MKLN1: variants seen among roughly 807,000 people sequenced by gnomAD.
MKLN1 encodes the protein muskelin 1.
MKLN1 carries 18 observed loss-of-function variants against 99.0 expected under a neutral mutation model. The ratio of observed to expected loss-of-function variants is 0.18; its 90% CI spans 0.13 to 0.27. The LOEUF is 0.27. Ranked by LOEUF, MKLN1 falls within the 10% of genes least tolerant of loss-of-function variation. The probability of loss-of-function intolerance (pLI) is 1.00; values close to 1 mark genes in which losing one functional copy is unlikely to be tolerated. For missense variants in MKLN1, 621 were observed against 875.9 expected (o/e 0.71, Z 3.67); for synonymous variants, 288 against 293.2 (o/e 0.98, Z 0.18).
chr7:131,204,804 G>A (rs955733050), intron 3 of MKLN1, among the ~76,000 whole-genome samples: 11 of 152,164 alleles, frequency 7.2e-5, no homozygotes, highest in Admixed American at 3.9e-4. Flanking sequence ...CGTGGTGGCA[G>A]GTGCCTGTAG....
chr7:131,269,772 T>C (rs115908600), intron 3 of MKLN1, among the ~76,000 whole-genome samples: 4,055 of 152,278 alleles, frequency 0.027, 167 homozygotes, highest in African/African-American at 0.089. Context: ...AGCATTCCCA[T>C]TGAGATTTTA....
chr7:131,453,092 C>A (rs1484331208), intron 12 of MKLN1, among the ~76,000 whole-genome samples: 2 of 152,112 alleles, frequency 1.3e-5, no homozygotes, highest in South Asian at 4.1e-4. Flanking sequence ...TAATAACTTT[C>A]CCTGATTTCC....
intron 3 of MKLN1, among the ~76,000 whole-genome samples, chr7:131,267,499 A>T (rs1013126886): frequency 6.6e-6 from 1 of 152,180 alleles, no homozygotes; most frequent in African/African-American, 2.4e-5. Context: ...AAGTGGGCTC[A>T]GGTTTACAAT....
Position 131,185,374 on chromosome 7 carries a change from T to C in MKLN1, c.-296-17483T>C, listed in dbSNP as rs1796433683. On this transcript the variant is annotated intron_variant, in intron 2 of 7. Coordinates refer to the MKLN1 transcript ENST00000416992. The stretch of plus-strand genomic sequence containing the variant: ...GGGCAGATCACCTGAGGTCAGAAGT[T>C]CGAGACCAGCCTGACCAACATGGTG... 2.7e-5 allele frequency among the ~76,000 whole-genome samples: 4 copies of C among 150,644 alleles called. No individual in the cohort carries two copies. In the South Asian group the frequency reaches 6.3e-4, roughly 24 times the overall value.
intron 1 of MKLN1, among the ~76,000 whole-genome samples, chr7:131,124,694 T>C (rs6467351): frequency 0.56 from 85,729 of 151,946 alleles, 25,785 homozygotes; most frequent in East Asian, 0.85. Flanking sequence ...CCTCCTGCCT[T>C]GTATCCCAGT....
At chr7:131,433,952 C>T (rs947588050) in intron 9 of MKLN1, among the ~76,000 whole-genome samples, 1 of 150,214 alleles carries the variant, frequency 6.7e-6, no homozygotes, top group South Asian at 2.1e-4. Context: ...GATGCGATCT[C>T]GGCTCACTGC....
chr7:131,141,193 C>A lies in MKLN1; in HGVS notation c.-418-1627C>A, dbSNP rs568360504. 8.5e-5 allele frequency among the ~76,000 whole-genome samples: 13 copies of A among 152,310 alleles called. No individual in the cohort carries two copies. In the East Asian group the frequency reaches 2.5e-3, roughly 29 times the overall value. On this transcript the variant is annotated intron_variant, in intron 1 of 7. Transcript: ENST00000416992. ...TCATCGCTGTGAAGTCTCTTGTTGTCTGTCATGTATAGATGACTCCTAAAT... is the reference window on the plus strand; with the variant it reads ...TCATCGCTGTGAAGTCTCTTGTTGTATGTCATGTATAGATGACTCCTAAAT...
At chr7:131,376,095 A>AATATATATATATATATATATATAT (rs60323728) in intron 2 of MKLN1, among the ~76,000 whole-genome samples, 3 of 108,064 alleles carry the variant, frequency 2.8e-5, no homozygotes, top group Non-Finnish European at 5.7e-5. Flanking sequence ...AATTCATGGA[A>AATATATATATATATATATATATAT]ATATATATAT....
chr7:131,143,610 G>A (rs1325910802), intron 2 of MKLN1, among the ~76,000 whole-genome samples: 1 of 152,178 alleles, frequency 6.6e-6, no homozygotes, highest in African/African-American at 2.4e-5. Flanking sequence ...AGGATTGCTT[G>A]AGGCTGGAAA....
intron 2 of MKLN1, among the ~76,000 whole-genome samples, chr7:131,187,209 C>T (rs1344118354): frequency 6.6e-6 from 1 of 152,148 alleles, no homozygotes; most frequent in African/African-American, 2.4e-5. Context: ...GACGAAGTGG[C>T]CAGAGGATTT....
chr7:131,195,481 A>G (rs1584825199), intron 2 of MKLN1, among the ~76,000 whole-genome samples: 1 of 151,924 alleles, frequency 6.6e-6, no homozygotes. Context: ...ACTGCACTCC[A>G]GCCTGGGTGA....
intron 1 of MKLN1, among the ~76,000 whole-genome samples, chr7:131,362,026 A>G (rs894527267): frequency 3.3e-5 from 5 of 152,060 alleles, no homozygotes; most frequent in African/African-American, 4.8e-5. Flanking sequence ...TTTGTTAACT[A>G]TGCCTTTAAA....
intron 3 of MKLN1, among the ~76,000 whole-genome samples, chr7:131,224,244 A>C (rs1241944887): frequency 6.6e-6 from 1 of 152,226 alleles, no homozygotes; most frequent in African/African-American, 2.4e-5. Flanking sequence ...TTTCTATACA[A>C]AAATTTAAAA....
At chr7:131,376,225 A>G (rs563524945) in intron 2 of MKLN1, among the ~76,000 whole-genome samples, 4 of 149,094 alleles carry the variant, frequency 2.7e-5, no homozygotes, top group Admixed American at 2.0e-4. Context: ...TGTCTAAAGA[A>G]TATATATTTA....
At chr7:131,287,539 G>A (rs569405924) in intron 3 of MKLN1, among the ~76,000 whole-genome samples, 1 of 152,208 alleles carries the variant, frequency 6.6e-6, no homozygotes, top group South Asian at 2.1e-4. Flanking sequence ...GCCTACCACA[G>A]TGATCTAGGA....
At chr7:131,195,886 G>C (rs553899764) in intron 2 of MKLN1, among the ~76,000 whole-genome samples, 1 of 152,168 alleles carries the variant, frequency 6.6e-6, no homozygotes, top group South Asian at 2.1e-4. Flanking sequence ...AAGAGGCAGA[G>C]GTTGCAGTGA....
intron 1 of MKLN1, among the ~76,000 whole-genome samples, chr7:131,113,039 A>G (rs577237179): frequency 6.6e-6 from 1 of 152,294 alleles, no homozygotes; most frequent in East Asian, 1.9e-4. Flanking sequence ...ACAAAGATGA[A>G]TAAGACACAG....
At position 131,197,884 on chromosome 7, in the gene MKLN1, T is replaced by A. The variant is rs185529514; in HGVS notation, c.-296-4973T>A. Among the ~76,000 whole-genome samples, 518 of 152,224 alleles carry A rather than the reference T, an allele frequency of 3.4e-3. 3 individuals are homozygous for A. The highest frequency in any genetic ancestry group is 2.7e-3 in the Non-Finnish European group (181 of 68,032). On this transcript the variant is annotated intron_variant, in intron 2 of 7. Coordinates refer to the MKLN1 transcript ENST00000416992. ...CAATGTCTGGCTCTATTGCCCAGGC[T>A]GGAGTGCAGTGGCACCATCTCAGGT...
intron 1 of MKLN1, among the ~76,000 whole-genome samples, chr7:131,368,589 AAAC>A (rs1205386500): frequency 2.0e-5 from 3 of 152,120 alleles, no homozygotes; most frequent in African/African-American, 7.2e-5. Context: ...CACACTTTTA[AAAC>A]ATCAGATCTT....
Sources: gnomAD v4.1 joint callset for allele counts (sites outside exome capture counted in the v4.1 genomes callset) on GRCh38, gnomAD v4.1.1 for gene constraint, MANE v1.5 for transcripts, NCBI Gene and HGNC (gene_info 2026-07-23, HGNC 2026-07-21) for gene names.